Variants in TYW1 observed in about 807,000 individuals in gnomAD.
TYW1 encodes the protein tRNA-yW synthesizing protein 1 homolog.
Under a neutral mutation model 96.2 loss-of-function variants are expected in TYW1, and 46 were observed. The observed-to-expected ratio is 0.48, with a 90% CI of 0.38 to 0.61. The LOEUF is 0.61. Among genes scored for constraint, TYW1 ranks in the 20% least tolerant of loss-of-function variants. The probability of loss-of-function intolerance (pLI) is 0.00; values close to 1 mark genes in which losing one functional copy is unlikely to be tolerated. For missense variants in TYW1, 684 were observed against 909.6 expected (o/e 0.75, Z 3.19); for synonymous variants, 274 against 323.0 (o/e 0.85, Z 1.63).
chr7:67,163,646 T>C (rs1446508158), intron 13 of TYW1, among the ~76,000 whole-genome samples: 2 of 151,804 alleles, frequency 1.3e-5, no homozygotes, highest in Non-Finnish European at 2.9e-5. Flanking sequence ...CTCTGCCAAA[T>C]TTCTGATCTT....
intron 15 of TYW1, among the ~76,000 whole-genome samples, chr7:67,225,509 G>T (rs1801533282): frequency 1.3e-5 from 2 of 152,046 alleles, no homozygotes; most frequent in Non-Finnish European, 2.9e-5. Context: ...GTGAAGGGAG[G>T]GGAAGAAGAG....
At chr7:67,177,205 A>G (rs1288456156) in intron 13 of TYW1, among the ~76,000 whole-genome samples, 1 of 151,902 alleles carries the variant, frequency 6.6e-6, no homozygotes, top group Non-Finnish European at 1.5e-5. Context: ...ACCACACGCA[A>G]AAGTCAGTTT....
intron 15 of TYW1, among the ~76,000 whole-genome samples, chr7:67,227,885 G>A (rs1459377029): frequency 3.9e-5 from 6 of 152,320 alleles, no homozygotes; most frequent in South Asian, 2.1e-4. Flanking sequence ...CTCGGTTAGC[G>A]TTAATGTGTG....
intron 15 of TYW1, among the ~76,000 whole-genome samples, chr7:67,235,550 A>G (rs973188459): frequency 6.6e-5 from 10 of 152,296 alleles, no homozygotes; most frequent in Non-Finnish European, 1.3e-4. Flanking sequence ...AGATGTCAGT[A>G]GAACGGGTGG....
At chr7:67,236,269 C>T (rs971128593) in intron 15 of TYW1, among the ~76,000 whole-genome samples, 4 of 152,212 alleles carry the variant, frequency 2.6e-5, no homozygotes, top group Non-Finnish European at 5.9e-5. Flanking sequence ...ACTTTACATT[C>T]AGGATCATAG....
chr7:67,188,181 G>A (rs1416955386), intron 14 of TYW1, among the ~76,000 whole-genome samples: 11 of 152,172 alleles, frequency 7.2e-5, no homozygotes, highest in Admixed American at 2.6e-4. Flanking sequence ...TTAGCTGGGC[G>A]TGGTGGCAGG....
At chr7:67,046,904 A>G (rs554583164) in intron 7 of TYW1, among the ~76,000 whole-genome samples, 1 of 152,290 alleles carries the variant, frequency 6.6e-6, no homozygotes, top group South Asian at 2.1e-4. Context: ...ACAGTATTCC[A>G]TGGCCGTCCT....
At chr7:67,124,023 C>G (rs1183419945) in intron 13 of TYW1, among the ~76,000 whole-genome samples, 1 of 152,092 alleles carries the variant, frequency 6.6e-6, no homozygotes, top group African/African-American at 2.4e-5. Context: ...ATAAAGAAGT[C>G]AAAGGCATTT....
At chr7:67,166,371 ATG>A (rs1799330969) in intron 13 of TYW1, among the ~76,000 whole-genome samples, 3 of 142,374 alleles carry the variant, frequency 2.1e-5, no homozygotes, top group African/African-American at 7.6e-5. Context: ...ACATATATAC[ATG>A]ATTTTTAATA....
intron 7 of TYW1, among the ~76,000 whole-genome samples, chr7:67,042,066 A>G (rs1339371339): frequency 6.8e-6 from 1 of 146,630 alleles, no homozygotes; most frequent in Non-Finnish European, 1.5e-5. Flanking sequence ...TTAGAATTAT[A>G]TAATTATATT....
rs569626496 is a variant in TYW1 at position 67,225,246 on chromosome 7, C to T, written c.1978-13062C>T. On this transcript the variant is annotated intron_variant, in intron 15 of 15. Coordinates refer to ENST00000359626, the MANE Select transcript of TYW1 (RefSeq NM_018264.4). ...GTCTTGTCCAAGGGCAAGTAGGACA[C>T]GACTAGAATTCAATCCCAAGTGTTT... 1.1e-4 allele frequency among the ~76,000 whole-genome samples: 16 copies of T among 149,064 alleles called. No homozygotes were observed. In the South Asian group the frequency reaches 3.0e-3, roughly 28 times the overall value.
chr7:67,219,545 T>G (rs543296328), intron 15 of TYW1, among the ~76,000 whole-genome samples: 1 of 152,362 alleles, frequency 6.6e-6, no homozygotes, highest in East Asian at 1.9e-4. Context: ...GATCTTAAAT[T>G]ACTGATTTAA....
chr7:67,118,878 G>GAAA (rs60194362), intron 13 of TYW1, among the ~76,000 whole-genome samples: 25 of 72,212 alleles, frequency 3.5e-4, no homozygotes, highest in Non-Finnish European at 4.4e-4. Flanking sequence ...ACCCCTATCT[G>GAAA]AAAAAAAAAA....
chr7:67,140,959 C>T (rs1798431072), intron 13 of TYW1, among the ~76,000 whole-genome samples: 1 of 152,156 alleles, frequency 6.6e-6, no homozygotes, highest in Non-Finnish European at 1.5e-5. Context: ...CTTCCTTGTA[C>T]CTTTTCTGAG....
At chr7:67,095,660 AAACAAC>A (rs56747081) in intron 11 of TYW1, among the ~76,000 whole-genome samples, 1,694 of 136,618 alleles carry the variant, frequency 0.012, 16 homozygotes, top group African/African-American at 0.027. Context: ...TCTGTCTCAA[AAACAAC>A]AACAACAACA....
At chr7:67,009,455 T>G in intron 3 of TYW1, 128 bp from the exon 4 acceptor site, 1 of 750,030 alleles carries the variant, frequency 1.3e-6, no homozygotes, top group Non-Finnish European at 2.2e-6. Context: ...TTTGTGTTCA[T>G]GAAGATACAT....
chr7:67,158,674 A>C (rs1346089279), intron 13 of TYW1, among the ~76,000 whole-genome samples: 1 of 151,934 alleles, frequency 6.6e-6, no homozygotes, highest in East Asian at 1.9e-4. Flanking sequence ...GGTTCATACC[A>C]TTCTCCTGCC....
intron 11 of TYW1, among the ~76,000 whole-genome samples, chr7:67,096,251 A>G (rs1267142178): frequency 6.6e-6 from 1 of 151,990 alleles, no homozygotes; most frequent in Non-Finnish European, 1.5e-5. Flanking sequence ...TTAGCCGGGC[A>G]TGGTGGTGGG....
chr7:67,030,099 C>CT (rs949395730), intron 7 of TYW1, among the ~76,000 whole-genome samples: 26 of 152,144 alleles, frequency 1.7e-4, no homozygotes, highest in African/African-American at 6.3e-4. Flanking sequence ...CCCCACTGAG[C>CT]TTCAGTGTCC....
Sources: allele counts gnomAD v4.1 joint callset (sites outside exome capture counted in the v4.1 genomes callset), GRCh38; gene constraint gnomAD v4.1.1; transcripts MANE v1.5; gene names NCBI Gene and HGNC (gene_info 2026-07-23, HGNC 2026-07-21).